Variants in MYO1D observed in about 807,000 individuals in gnomAD.
The protein encoded by MYO1D is unconventional myosin-Id.
MYO1D carries 83 observed loss-of-function variants against 122.0 expected under a neutral mutation model. The ratio of observed to expected loss-of-function variants is 0.68; its 90% CI spans 0.57 to 0.82. The LOEUF (loss-of-function observed/expected upper bound fraction) is 0.82, where lower values mean the gene tolerates loss of function less well. Among genes scored for constraint, MYO1D ranks in the 40% least tolerant of loss-of-function variants. The pLI, the probability that MYO1D is intolerant of heterozygous loss-of-function variation, is 0.00. For missense variants in MYO1D, 1,157 were observed against 1,269.5 expected (o/e 0.91, Z 1.35); for synonymous variants, 464 against 446.9 (o/e 1.04, Z -0.48).
chr17:32,741,160 C>T (rs1483580850), intron 13 of MYO1D, among the ~76,000 whole-genome samples: 1 of 149,346 alleles, frequency 6.7e-6, no homozygotes. Context: ...CCCAGGAGTT[C>T]AGGGTTACAG....
At chr17:32,768,920 C>A (rs1424102418) in intron 6 of MYO1D, among the ~76,000 whole-genome samples, 1 of 152,170 alleles carries the variant, frequency 6.6e-6, no homozygotes, top group Non-Finnish European at 1.5e-5. Context: ...GAACTGTTGG[C>A]TGCTTACCTA....
At chr17:32,599,127 A>G (rs541845005) in intron 21 of MYO1D, among the ~76,000 whole-genome samples, 2 of 152,324 alleles carry the variant, frequency 1.3e-5, no homozygotes, top group South Asian at 4.1e-4. Flanking sequence ...GCTGTTTGAG[A>G]GCATTTTACC....
At chr17:32,622,334 C>T (rs2087864030) in intron 20 of MYO1D, among the ~76,000 whole-genome samples, 1 of 152,098 alleles carries the variant, frequency 6.6e-6, no homozygotes, top group African/African-American at 2.4e-5. Context: ...ACCTCTCCAG[C>T]TCAACCATCA....
intron 19 of MYO1D, among the ~76,000 whole-genome samples, chr17:32,639,682 C>T (rs1164076193): frequency 6.6e-6 from 1 of 152,034 alleles, no homozygotes; most frequent in Non-Finnish European, 1.5e-5. Flanking sequence ...CAGCATGCGC[C>T]ACCATGTCCA....
chr17:32,579,794 A>G (rs2087313072), intron 21 of MYO1D, among the ~76,000 whole-genome samples: 1 of 152,230 alleles, frequency 6.6e-6, no homozygotes, highest in Non-Finnish European at 1.5e-5. Flanking sequence ...TTATTTTGAA[A>G]TTCATCCATG....
At chr17:32,655,885 G>A (rs2088470217) in intron 17 of MYO1D, among the ~76,000 whole-genome samples, 1 of 152,162 alleles carries the variant, frequency 6.6e-6, no homozygotes, top group Non-Finnish European at 1.5e-5. Context: ...GATCAGGGAG[G>A]TGGAGGTGGA....
intron 6 of MYO1D, among the ~76,000 whole-genome samples, chr17:32,770,096 TCA>T (rs1423904478): frequency 2.6e-5 from 4 of 152,184 alleles, no homozygotes; most frequent in African/African-American, 9.6e-5. Flanking sequence ...CTGCTCGCTC[TCA>T]GATGACCATA....
intron 16 of MYO1D, among the ~76,000 whole-genome samples, chr17:32,686,071 G>C (rs150235750): frequency 6.6e-6 from 1 of 152,064 alleles, no homozygotes; most frequent in Non-Finnish European, 1.5e-5. Flanking sequence ...CTCTGTGAAC[G>C]TTACCAGCTT....
In MYO1D at chr17:32,506,359, G is replaced by A. The variant is rs190521083; in HGVS notation, c.2865-11444C>T. Among the ~76,000 whole-genome samples, 616 of 152,308 alleles carry A rather than the reference G, an allele frequency of 4.0e-3. 5 individuals are homozygous for A. The highest frequency in any genetic ancestry group is 0.014 in the African/African-American group (597 of 41,546). On this transcript the variant is annotated intron_variant, in intron 21 of 21. Transcript: ENST00000318217. Reference sequence around the variant, plus strand: ...AAGGTGGGGTGGTGGTCCCAGGAAAGCATTCAAAGGTCCATGTCTCATTTG... The same window carrying A: ...AAGGTGGGGTGGTGGTCCCAGGAAAACATTCAAAGGTCCATGTCTCATTTG...
At chr17:32,678,252 TTC>T (rs1309194779) in intron 16 of MYO1D, among the ~76,000 whole-genome samples, 7 of 85,794 alleles carry the variant, frequency 8.2e-5, no homozygotes, top group African/African-American at 1.3e-4. Context: ...AAAAATATAT[TTC>T]TTTTTTTTTT....
chr17:32,615,118 C>T (rs980442677), intron 20 of MYO1D, among the ~76,000 whole-genome samples: 3 of 152,128 alleles, frequency 2.0e-5, no homozygotes, highest in African/African-American at 7.2e-5. Flanking sequence ...GATTGTTACA[C>T]AGCAATAGTA....
chr17:32,539,601 T>C (rs1308704002), intron 21 of MYO1D, among the ~76,000 whole-genome samples: 1 of 152,210 alleles, frequency 6.6e-6, no homozygotes, highest in Non-Finnish European at 1.5e-5. Context: ...TTGTAGTCTC[T>C]GCCTCTGTCT....
chr17:32,793,909 A>G (rs2090385755), intron 1 of MYO1D, among the ~76,000 whole-genome samples: 1 of 152,242 alleles, frequency 6.6e-6, no homozygotes, highest in African/African-American at 2.4e-5. Flanking sequence ...TGCTCAGCAC[A>G]CTAATTAGTA....
intron 20 of MYO1D, among the ~76,000 whole-genome samples, chr17:32,626,340 G>A (rs1022105039): frequency 1.3e-5 from 2 of 152,186 alleles, no homozygotes; most frequent in East Asian, 1.9e-4. Flanking sequence ...ATACATCTCC[G>A]TGTATGGCTT....
chr17:32,779,117 G>A (rs1206713557), intron 2 of MYO1D, among the ~76,000 whole-genome samples: 1 of 152,046 alleles, frequency 6.6e-6, no homozygotes, highest in East Asian at 1.9e-4. Context: ...CTGGGGGATG[G>A]GGAAAAAGGA....
At chr17:32,634,659 G>C (rs185365981) in intron 20 of MYO1D, among the ~76,000 whole-genome samples, 2 of 152,306 alleles carry the variant, frequency 1.3e-5, no homozygotes, top group East Asian at 1.9e-4. Flanking sequence ...AGAATGATTA[G>C]ACAAACTACC....
chr17:32,869,340 T>G (rs193294652), intron 1 of MYO1D, among the ~76,000 whole-genome samples: 1 of 152,322 alleles, frequency 6.6e-6, no homozygotes, highest in Admixed American at 6.5e-5. Context: ...AGGAGAGACA[T>G]ACAATGCATA....
chr17:32,803,803 T>C (rs2151045084), intron 1 of MYO1D, among the ~76,000 whole-genome samples: 1 of 152,296 alleles, frequency 6.6e-6, no homozygotes, highest in African/African-American at 2.4e-5. Flanking sequence ...CAAAACAACA[T>C]CTGCAAAGCA....
chr17:32,523,256 G>C (rs73274294), intron 21 of MYO1D: 1 of 152,504 alleles, frequency 6.6e-6, no homozygotes, highest in Non-Finnish European at 1.5e-5. Flanking sequence ...GAAGGCAGGT[G>C]GGGGAGGGGA....
Sources: allele counts gnomAD v4.1 joint callset (sites outside exome capture counted in the v4.1 genomes callset), GRCh38; gene constraint gnomAD v4.1.1; transcripts MANE v1.5; gene names NCBI Gene and HGNC (gene_info 2026-07-23, HGNC 2026-07-21).